ITSN1: variants seen among roughly 807,000 people sequenced by gnomAD.
ITSN1 encodes the protein intersectin 1.
In ITSN1, 58 loss-of-function variants were observed where a neutral mutation model predicts 239.8. The ratio of observed to expected loss-of-function variants is 0.24; its 90% CI spans 0.20 to 0.30. ITSN1 has a LOEUF of 0.30. Ranked by LOEUF, ITSN1 falls within the 10% of genes least tolerant of loss-of-function variation. The pLI is 1.00. For missense variants in ITSN1, 1,558 were observed against 2,103.3 expected, an observed-to-expected ratio of 0.74 and a Z score of 5.07; for synonymous variants, 780 against 770.8, an observed-to-expected ratio of 1.01 and a Z score of -0.20.
chr21:33,743,030 T>C lies in ITSN1; in HGVS notation c.347-7113T>C, dbSNP rs55730938. On this transcript the variant is annotated intron_variant, in intron 5 of 39. Coordinates refer to ENST00000381318, the MANE Select transcript of ITSN1 (RefSeq NM_003024.3). ...GACTTGAAAGATGAAAATCAGAGTT[T>C]TTAAGGCTCATAAATAAGGTGACAG... 3.9e-3 allele frequency among the ~76,000 whole-genome samples: 588 copies of C among 152,018 alleles called. 5 individuals carry two copies. The highest frequency in any genetic ancestry group is 4.7e-3 in the Non-Finnish European group (318 of 67,978).
rs1435679227 is a variant in ITSN1 at position 33,690,825 on chromosome 21, A to G, written c.-32-27972A>G. 2.4e-4 allele frequency among the ~76,000 whole-genome samples: 15 copies of G among 62,402 alleles called. 1 individual carries two copies. Among genetic ancestry groups the G allele is most frequent in the East Asian group, 1.4e-3 (4 of 2,922 alleles). 40.9% of individuals were successfully genotyped at this position (62,402 alleles called of 152,430 possible). ...TATATATATATATATGTATATATAT[A>G]TATATATATATATGTAAAAGTTAAA... On this transcript the variant is annotated intron_variant, in intron 1 of 39. Coordinates refer to ENST00000381318, the MANE Select transcript of ITSN1 (RefSeq NM_003024.3).
At chr21:33,673,039 CAAAA>C (rs759736357) in intron 1 of ITSN1, among the ~76,000 whole-genome samples, 1 of 150,776 alleles carries the variant, frequency 6.6e-6, no homozygotes, top group Non-Finnish European at 1.5e-5. Context: ...TGTTGCCAGA[CAAAA>C]AAAATAAATT....
Position 33,889,125 on chromosome 21 carries a change from G to A in ITSN1, c.*825G>A, listed in dbSNP as rs970790369. 6.6e-6 allele frequency: 1 copy of A among 152,020 alleles called. No homozygotes were observed. Among genetic ancestry groups the A allele is most frequent in the South Asian group, 2.1e-4 (1 of 4,790 alleles). 9.4% of individuals were successfully genotyped at this position (152,020 alleles called of 1,614,324 possible). The stretch of plus-strand genomic sequence containing the variant: ...TTACAATGTTGGGTCACTGGGTCTC[G>A]GTTGGCAGCCATGTTGGAAAAATCT... On this transcript the variant is annotated 3_prime_UTR_variant, in exon 40 of 40. Coordinates refer to ENST00000381318, the MANE Select transcript of ITSN1 (RefSeq NM_003024.3).
chr21:33,657,553 C>T (rs1157365569), intron 1 of ITSN1, among the ~76,000 whole-genome samples: 1 of 152,096 alleles, frequency 6.6e-6, no homozygotes, highest in South Asian at 2.1e-4. Flanking sequence ...GTACCTGGAG[C>T]GGTGTCTTTT....
At chr21:33,731,964 G>T (rs2066214654) in intron 4 of ITSN1, among the ~76,000 whole-genome samples, 1 of 152,152 alleles carries the variant, frequency 6.6e-6, no homozygotes, top group Non-Finnish European at 1.5e-5. Flanking sequence ...ATTTTAGGGA[G>T]ACATAAGACA....
At chr21:33,766,120 TA>T in intron 10 of ITSN1, 108 bp downstream of exon 10, 1 of 1,187,052 alleles carries the variant, frequency 8.4e-7, no homozygotes, top group African/African-American at 1.5e-5. Flanking sequence ...ACAAGGAAAC[TA>T]AGTATCCGTG....
intron 24 of ITSN1, among the ~76,000 whole-genome samples, chr21:33,821,705 C>T (rs1273285243): frequency 2.6e-5 from 4 of 152,148 alleles, no homozygotes; most frequent in Non-Finnish European, 4.4e-5. Context: ...ACTGCAATAC[C>T]AAGTTCAGCC....
At position 33,883,637 on chromosome 21, in the gene ITSN1, G is replaced by A. The variant is rs756190215; in HGVS notation, c.4642G>A (p.Val1548Ile). The part of the protein sequence containing the change: ...PIFHISHIDR[V>I]YTLRAESINE... ...CTTCCACATCTCCCACATTGACCGCGTCTATACTCTCCGAGCAGAAAGCAT... is the reference window on the plus strand; with the variant it reads ...CTTCCACATCTCCCACATTGACCGCATCTATACTCTCCGAGCAGAAAGCAT... Residue 1548 changes from valine (V) to isoleucine (I), a missense_variant, in exon 36 of 40, where the codon GTC becomes ATC. Transcript: ENST00000381318. 1 of 1,613,686 alleles carries A rather than the reference G, an allele frequency of 6.2e-7. No homozygotes were observed. The highest frequency in any genetic ancestry group is 8.5e-7 in the Non-Finnish European group (1 of 1,179,750).
intron 1 of ITSN1, among the ~76,000 whole-genome samples, chr21:33,717,187 CTT>C (rs879597417): frequency 7.1e-6 from 1 of 141,578 alleles, no homozygotes. Context: ...AGTACTCATT[CTT>C]TTTTTTTTTT....
intron 4 of ITSN1, among the ~76,000 whole-genome samples, chr21:33,732,381 A>AT (rs1295064229): frequency 6.6e-6 from 1 of 152,070 alleles, no homozygotes; most frequent in Non-Finnish European, 1.5e-5. Flanking sequence ...TTTCAGGTTA[A>AT]TTTTGAAATG....
chr21:33,662,428 A>G (rs2089628908), intron 1 of ITSN1, among the ~76,000 whole-genome samples: 1 of 152,138 alleles, frequency 6.6e-6, no homozygotes, highest in Non-Finnish European at 1.5e-5. Flanking sequence ...AATATTTTTC[A>G]TTTTGAACCT....
At position 33,767,848 on chromosome 21, in the gene ITSN1, G is replaced by T; in HGVS notation, c.1042+20G>T. ...TACCTGGTAAGGCAGCCTTTATGTT[G>T]AGTTAAATCATTTAGATTAAACGAA... is the stretch of plus-strand genomic sequence containing the variant. On this transcript the variant is annotated intron_variant, in intron 11 of 39. Transcript: ENST00000381318. 7.7e-7 allele frequency: 1 copy of T among 1,306,812 alleles called. No individual in the cohort carries two copies. Among genetic ancestry groups the T allele is most frequent in the South Asian group, 1.2e-5 (1 of 82,576 alleles). The allele number at this position is 1,306,812 out of a possible 1,614,324, so 81.0% of individuals were successfully genotyped here. A position where few individuals can be genotyped will look rare whatever the true frequency, so the allele number is the denominator to read the frequency against.
intron 24 of ITSN1, among the ~76,000 whole-genome samples, chr21:33,822,870 A>G (rs1205113584): frequency 1.3e-5 from 2 of 152,232 alleles, no homozygotes; most frequent in African/African-American, 4.8e-5. Flanking sequence ...TAACTAAACA[A>G]TATGTGTAAC....
intron 1 of ITSN1, among the ~76,000 whole-genome samples, chr21:33,651,095 G>T (rs1258730413): frequency 1.3e-5 from 2 of 152,248 alleles, no homozygotes; most frequent in Non-Finnish European, 2.9e-5. Flanking sequence ...ACACGCAAGG[G>T]TTATTTGTTG....
intron 33 of ITSN1, among the ~76,000 whole-genome samples, chr21:33,871,448 A>C (rs112670398): frequency 2.4e-3 from 357 of 148,990 alleles, no homozygotes; most frequent in Non-Finnish European, 4.1e-3. Flanking sequence ...AAAAAAAAAA[A>C]CAAAAAACAA....
rs1986225086 is a variant in ITSN1 at position 33,889,653 on chromosome 21, T to C, written c.*1353T>C. The C allele has an allele frequency of 2.0e-5, 3 of 152,268 alleles. No homozygotes were observed. The highest frequency in any genetic ancestry group is 4.4e-5 in the Non-Finnish European group (3 of 68,050). 9.4% of individuals were successfully genotyped at this position (152,268 alleles called of 1,614,324 possible). ...TCATAATCCTAGTTTGTTGTGGTCA[T>C]GAAATGTCCTTTGCATGTTCTGTTG... On this transcript the variant is annotated 3_prime_UTR_variant, in exon 40 of 40. Coordinates refer to ENST00000381318, the MANE Select transcript of ITSN1 (RefSeq NM_003024.3).
chr21:33,686,657 A>G (rs987229485), intron 1 of ITSN1, among the ~76,000 whole-genome samples: 6 of 152,018 alleles, frequency 3.9e-5, no homozygotes, highest in African/African-American at 1.4e-4. Flanking sequence ...CTTGAGCTCA[A>G]TTTTTGTCTC....
At chr21:33,678,755 C>G (rs997826626) in intron 1 of ITSN1, among the ~76,000 whole-genome samples, 2 of 152,100 alleles carry the variant, frequency 1.3e-5, no homozygotes, top group African/African-American at 4.8e-5. Context: ...GCTTTGTCAT[C>G]CAGGCTGGAG....
Position 33,891,134 on chromosome 21 carries a change from C to G in ITSN1, c.*2834C>G, listed in dbSNP as rs115863028. The G allele has an allele frequency of 1.3e-5, 2 of 152,444 alleles. No homozygotes were observed. Among genetic ancestry groups the G allele is most frequent in the African/African-American group, 4.8e-5 (2 of 41,586 alleles). The allele number at this position is 152,444 out of a possible 1,614,324, so 9.4% of individuals were successfully genotyped here. A position where few individuals can be genotyped will look rare whatever the true frequency, so the allele number is the denominator to read the frequency against. On this transcript the variant is annotated 3_prime_UTR_variant, in exon 40 of 40. Transcript: ENST00000381318. Reference sequence around the variant, plus strand: ...CTGGCAGGTGGATGGACAGCATCATCTCCTGGAACCAGGTTTGCTGTGACC... The same window carrying G: ...CTGGCAGGTGGATGGACAGCATCATGTCCTGGAACCAGGTTTGCTGTGACC...
Sources: allele counts gnomAD v4.1 joint callset (sites outside exome capture counted in the v4.1 genomes callset), GRCh38; gene constraint gnomAD v4.1.1; transcripts MANE v1.5; gene names NCBI Gene and HGNC (gene_info 2026-07-23, HGNC 2026-07-21).